Variants in TGFB2 observed in about 807,000 individuals in gnomAD.
TGFB2 encodes the protein transforming growth factor beta 2, also known as transforming growth factor beta-2 proprotein.
TGFB2 carries 13 observed loss-of-function variants against 42.7 expected under a neutral mutation model. The ratio of observed to expected loss-of-function variants is 0.30; its 90% CI spans 0.20 to 0.48. The LOEUF (loss-of-function observed/expected upper bound fraction) is 0.48. Ranked by LOEUF, TGFB2 falls within the 20% of genes least tolerant of loss-of-function variation. TGFB2 has a pLI of 0.99. For missense variants in TGFB2, 390 were observed against 517.5 expected, an observed-to-expected ratio of 0.75 and a Z score of 2.39; for synonymous variants, 193 against 193.6, an observed-to-expected ratio of 1.00 and a Z score of 0.03.
At chr1:218,389,456 G>A (rs1354626454) in intron 1 of TGFB2, among the ~76,000 whole-genome samples, 1 of 152,170 alleles carries the variant, frequency 6.6e-6, no homozygotes, top group Non-Finnish European at 1.5e-5. Context: ...TTCAAGTAAA[G>A]CAGACCTCTG....
At chr1:218,408,604 A>AACACCC (rs1181281879) in intron 2 of TGFB2, among the ~76,000 whole-genome samples, 2 of 152,226 alleles carry the variant, frequency 1.3e-5, no homozygotes, top group African/African-American at 4.8e-5. Flanking sequence ...GAGATCCTTG[A>AACACCC]ACACCCGAAG....
chr1:218,396,407 C>A (rs1658512901), intron 1 of TGFB2, among the ~76,000 whole-genome samples: 1 of 152,152 alleles, frequency 6.6e-6, no homozygotes, highest in African/African-American at 2.4e-5. Flanking sequence ...ATCTAGCTCA[C>A]CCTGCCACCA....
chr1:218,349,422 C>T (rs1656798313), intron 1 of TGFB2, among the ~76,000 whole-genome samples: 1 of 152,206 alleles, frequency 6.6e-6, no homozygotes, highest in Admixed American at 6.5e-5. Context: ...AGCTTTCCCT[C>T]TTTAGGACTT....
chr1:218,420,803 C>T (rs1469681159), intron 2 of TGFB2, among the ~76,000 whole-genome samples: 2 of 152,122 alleles, frequency 1.3e-5, no homozygotes, highest in Non-Finnish European at 2.9e-5. Flanking sequence ...AAAGAGTTCA[C>T]GTAGTGATGT....
chr1:218,378,361 G>A (rs1456416263), intron 1 of TGFB2, among the ~76,000 whole-genome samples: 2 of 152,178 alleles, frequency 1.3e-5, no homozygotes, highest in African/African-American at 4.8e-5. Context: ...ATTTTTAGTA[G>A]AGACGGGGTT....
chr1:218,346,812 C>T lies in TGFB2; in HGVS notation c.111C>T (p.Ile37=), dbSNP rs1440677621. Residue 37 remains isoleucine, a synonymous_variant, in exon 1 of 7, where the codon ATC becomes ATT. Coordinates refer to ENST00000366930, the MANE Select transcript of TGFB2 (RefSeq NM_003238.6). This position sits in a 1 kb window ranked among gnomAD's most constrained non-coding sequence, Gnocchi z 4.9. Reference sequence around the variant, plus strand: ...TGGACCAGTTCATGCGCAAGAGGATCGAGGCGATCCGCGGGCAGATCCTGA... The same window carrying T: ...TGGACCAGTTCATGCGCAAGAGGATTGAGGCGATCCGCGGGCAGATCCTGA... The part of the protein sequence containing the change: ...LDMDQFMRKR[I]EAIRGQILSK... 2 of 1,614,150 alleles carry T rather than the reference C, an allele frequency of 1.2e-6. No individual in the cohort carries two copies. Among genetic ancestry groups the T allele is most frequent in the East Asian group, 2.2e-5 (1 of 44,858 alleles).
chr1:218,371,731 A>G (rs1657577445), intron 1 of TGFB2, among the ~76,000 whole-genome samples: 1 of 152,212 alleles, frequency 6.6e-6, no homozygotes, highest in East Asian at 1.9e-4. Flanking sequence ...CACAATAAGA[A>G]TTCAGGCGAG....
intron 2 of TGFB2, among the ~76,000 whole-genome samples, chr1:218,414,664 A>C (rs1659217504): frequency 6.6e-6 from 1 of 152,198 alleles, no homozygotes; most frequent in Admixed American, 6.5e-5. Flanking sequence ...AAGACCCCCC[A>C]AAAAGTAGAA....
intron 2 of TGFB2, among the ~76,000 whole-genome samples, chr1:218,421,381 T>C (rs1239711395): frequency 6.6e-6 from 1 of 151,234 alleles, no homozygotes; most frequent in African/African-American, 2.4e-5. Flanking sequence ...CAGTTTTTTT[T>C]TTTTTTTATC....
intron 1 of TGFB2, among the ~76,000 whole-genome samples, chr1:218,368,953 A>G (rs761412420): frequency 2.6e-5 from 4 of 152,078 alleles, no homozygotes; most frequent in Non-Finnish European, 4.4e-5. Flanking sequence ...AGGGCCGTGT[A>G]GCTGTTAAGA....
rs1659934364 is a variant in TGFB2, at chr1:218,435,259, C to T, written c.755-711C>T. Among the ~76,000 whole-genome samples the T allele has an allele frequency of 2.6e-5, 4 of 152,112 alleles. No homozygotes were observed. The South Asian group carries it at 8.3e-4, about 32-fold the overall frequency. On this transcript the variant is annotated intron_variant, in intron 4 of 6. Transcript: ENST00000366930. ...AGCCCTTGCTCATGGAAAAATACTC[C>T]CAGAGGTCTAGAGATTTATTTCAGT... is the stretch of plus-strand genomic sequence containing the variant.
intron 1 of TGFB2, among the ~76,000 whole-genome samples, chr1:218,364,487 C>G (rs943112901): frequency 1.3e-5 from 2 of 152,190 alleles, no homozygotes; most frequent in African/African-American, 4.8e-5. Context: ...ATCCCTGAAC[C>G]ATGCTCAGGA....
intron 6 of TGFB2, among the ~76,000 whole-genome samples, chr1:218,438,603 GTAAA>G (rs1660048035): frequency 6.6e-6 from 1 of 151,954 alleles, no homozygotes; most frequent in Non-Finnish European, 1.5e-5. Context: ...GTAACACAAA[GTAAA>G]TGAGAATCTG....
At chr1:218,402,133 G>A (rs988648559) in intron 1 of TGFB2, among the ~76,000 whole-genome samples, 5 of 152,148 alleles carry the variant, frequency 3.3e-5, no homozygotes, top group African/African-American at 7.2e-5. Context: ...GAAGGCTACC[G>A]GCTCCTCCCG....
chr1:218,397,184 C>T (rs1281543816), intron 1 of TGFB2, among the ~76,000 whole-genome samples: 5 of 150,742 alleles, frequency 3.3e-5, no homozygotes, highest in Admixed American at 3.3e-4. Flanking sequence ...AGGTGAGTTG[C>T]GTGAACCCAA....
chr1:218,412,246 T>C (rs932577180), intron 2 of TGFB2, among the ~76,000 whole-genome samples: 3 of 152,194 alleles, frequency 2.0e-5, no homozygotes, highest in Non-Finnish European at 4.4e-5. Flanking sequence ...AGCTGGAGAA[T>C]TCAGAGAAAT....
chr1:218,399,042 C>T (rs1219211858), intron 1 of TGFB2, among the ~76,000 whole-genome samples: 1 of 152,136 alleles, frequency 6.6e-6, no homozygotes, highest in Non-Finnish European at 1.5e-5. Context: ...TGCCACATCA[C>T]CCAGCTAATT....
At chr1:218,418,765 C>T (rs1274169778) in intron 2 of TGFB2, among the ~76,000 whole-genome samples, 1 of 152,074 alleles carries the variant, frequency 6.6e-6, no homozygotes, top group East Asian at 1.9e-4. Context: ...CTCATGATAT[C>T]ATGATAAGTC....
At chr1:218,437,006 G>A (rs1659991328) in intron 5 of TGFB2, among the ~76,000 whole-genome samples, 1 of 152,184 alleles carries the variant, frequency 6.6e-6, no homozygotes, top group Admixed American at 6.5e-5. Context: ...GCCCAGTGTT[G>A]ATTGGAAAGG....
Sources: gnomAD v4.1 joint callset for allele counts (sites outside exome capture counted in the v4.1 genomes callset) on GRCh38, gnomAD v4.1.1 for gene constraint, Gnocchi (gnomAD v3.1) non-coding constraint, MANE v1.5 for transcripts, NCBI Gene and HGNC (gene_info 2026-07-23, HGNC 2026-07-21) for gene names.